Variants in TAS2R1 observed in about 807,000 individuals in gnomAD.
The protein encoded by TAS2R1 is taste receptor type 2 member 1.
For synonymous variants in TAS2R1, 141 were observed against 134.2 expected (o/e 1.05, Z -0.35); for missense variants, 370 against 353.4 (o/e 1.05, Z -0.38).
intron 1 of TAS2R1, among the ~76,000 whole-genome samples, chr5:9,683,541 C>T (rs1002023306): frequency 1.3e-5 from 2 of 152,166 alleles, no homozygotes; most frequent in Non-Finnish European, 2.9e-5. Flanking sequence ...TTCCCCTGGT[C>T]CTTTGGAAAA....
At chr5:9,748,437 T>C in the TAS2R1 span, among the ~76,000 whole-genome samples, 1 of 152,180 alleles carries the variant, frequency 6.6e-6, no homozygotes, top group East Asian at 1.9e-4. Context: ...TATAACAGAA[T>C]TTCTGAGATG....
chr5:9,873,149 G>A, the TAS2R1 span, among the ~76,000 whole-genome samples: 2 of 152,172 alleles, frequency 1.3e-5, no homozygotes, highest in Non-Finnish European at 2.9e-5. Context: ...GGAGGTCCTG[G>A]TGTCTGCATG....
At chr5:9,744,251 T>C in the TAS2R1 span, among the ~76,000 whole-genome samples, 1 of 152,348 alleles carries the variant, frequency 6.6e-6, no homozygotes, top group African/African-American at 2.4e-5. Flanking sequence ...TTTGTTTGTG[T>C]ATACATTTGG....
the TAS2R1 span, among the ~76,000 whole-genome samples, chr5:9,763,887 AG>A: frequency 1.3e-5 from 2 of 152,266 alleles, no homozygotes; most frequent in African/African-American, 4.8e-5. Context: ...AGCATCGTTT[AG>A]CTAGTAAAAC....
intron 1 of TAS2R1, among the ~76,000 whole-genome samples, chr5:9,707,567 C>T (rs1249109042): frequency 4.6e-5 from 7 of 152,128 alleles, no homozygotes; most frequent in Non-Finnish European, 7.3e-5. Flanking sequence ...CCTGTAGTCC[C>T]AGCTACTCGG....
At chr5:9,652,728 A>G (rs1051706984) in intron 2 of TAS2R1, among the ~76,000 whole-genome samples, 1 of 152,176 alleles carries the variant, frequency 6.6e-6, no homozygotes, top group African/African-American at 2.4e-5. Context: ...GTTGCATTTC[A>G]TTTTCTAAAA....
the TAS2R1 span, among the ~76,000 whole-genome samples, chr5:9,831,128 T>C: frequency 6.6e-6 from 1 of 152,184 alleles, no homozygotes; most frequent in Admixed American, 6.5e-5. Context: ...AATATAATTA[T>C]AACTTCTGGA....
chr5:9,774,483 T>C, the TAS2R1 span, among the ~76,000 whole-genome samples: 1 of 152,264 alleles, frequency 6.6e-6, no homozygotes, highest in Non-Finnish European at 1.5e-5. Flanking sequence ...TTGATGTTTG[T>C]GGATGTTTGT....
chr5:9,886,166 G>A, the TAS2R1 span, among the ~76,000 whole-genome samples: 2 of 151,538 alleles, frequency 1.3e-5, no homozygotes, highest in African/African-American at 4.8e-5. Context: ...CAAGTAGCTG[G>A]GACTACAGGT....
the TAS2R1 span, among the ~76,000 whole-genome samples, chr5:9,763,581 A>G: frequency 6.6e-6 from 1 of 152,216 alleles, no homozygotes; most frequent in African/African-American, 2.4e-5. Context: ...CATGAATGGG[A>G]ACAAGGAAAC....
upstream of TAS2R1, among the ~76,000 whole-genome samples, chr5:9,631,517 T>C (rs1004679393): frequency 6.6e-6 from 1 of 152,210 alleles, no homozygotes. Context: ...ATTAGGATTA[T>C]AGGCATGAGC....
At chr5:9,639,483 T>C (rs1442801520) in intron 2 of TAS2R1, among the ~76,000 whole-genome samples, 1 of 152,094 alleles carries the variant, frequency 6.6e-6, no homozygotes, top group Non-Finnish European at 1.5e-5. Context: ...TTTTGTGGAA[T>C]TTGCAGCAGC....
At chr5:9,644,011 T>C (rs1228912759) in intron 2 of TAS2R1, among the ~76,000 whole-genome samples, 2 of 152,008 alleles carry the variant, frequency 1.3e-5, no homozygotes, top group Non-Finnish European at 2.9e-5. Flanking sequence ...ATTCCAGGAA[T>C]AAACAATGCC....
the TAS2R1 span, among the ~76,000 whole-genome samples, chr5:9,856,791 A>G: frequency 2.0e-5 from 3 of 152,238 alleles, no homozygotes; most frequent in African/African-American, 7.2e-5. Flanking sequence ...TAACTGAATC[A>G]TACCCACAAG....
At chr5:9,713,338 T>C (rs989593988), upstream of TAS2R1, 1 of 152,134 alleles carries the variant, frequency 6.6e-6, no homozygotes, top group African/African-American at 2.4e-5. Context: ...CACCATAGAA[T>C]AGAATAAATG....
chr5:9,730,267 C>T, the TAS2R1 span, among the ~76,000 whole-genome samples: 1 of 152,162 alleles, frequency 6.6e-6, no homozygotes, highest in Admixed American at 6.5e-5. Flanking sequence ...TTGAAAGGTG[C>T]AGTTTCTCCA....
the TAS2R1 span, among the ~76,000 whole-genome samples, chr5:9,814,183 T>C: frequency 6.6e-6 from 1 of 152,194 alleles, no homozygotes; most frequent in African/African-American, 2.4e-5. Flanking sequence ...CTTCTTTCTG[T>C]GACAGTACTT....
the TAS2R1 span, among the ~76,000 whole-genome samples, chr5:9,887,963 A>G: frequency 6.6e-6 from 1 of 152,120 alleles, no homozygotes; most frequent in Non-Finnish European, 1.5e-5. Context: ...GAGCACTCCC[A>G]TCAAGACCCT....
chr5:9,849,759 G>C, the TAS2R1 span, among the ~76,000 whole-genome samples: 2 of 152,198 alleles, frequency 1.3e-5, no homozygotes, highest in Non-Finnish European at 2.9e-5. Flanking sequence ...GTAAACACTG[G>C]TTAATTGACA....
Sources: gnomAD v4.1 joint callset for allele counts (sites outside exome capture counted in the v4.1 genomes callset) on GRCh38, gnomAD v4.1.1 for gene constraint, MANE v1.5 for transcripts, NCBI Gene and HGNC (gene_info 2026-07-23, HGNC 2026-07-21) for gene names.